PTPN14: variants seen among roughly 807,000 people sequenced by gnomAD.
PTPN14 encodes protein tyrosine phosphatase non-receptor type 14.
PTPN14 carries 53 observed loss-of-function variants against 126.8 expected under a neutral mutation model. The observed-to-expected ratio is 0.42, with a 90% CI of 0.34 to 0.53. The LOEUF is 0.53. Among genes scored for constraint, PTPN14 ranks in the 20% least tolerant of loss-of-function variants. The pLI is 0.08. For synonymous variants in PTPN14, 630 were observed against 599.3 expected, an observed-to-expected ratio of 1.05 and a Z score of -0.75; for missense variants, 1,257 against 1,552.9, an observed-to-expected ratio of 0.81 and a Z score of 3.20.
intron 1 of PTPN14, among the ~76,000 whole-genome samples, chr1:214,540,018 T>C (rs1558147847): frequency 6.6e-6 from 1 of 152,194 alleles, no homozygotes; most frequent in Non-Finnish European, 1.5e-5. Context: ...GGAGTTTTAA[T>C]TTGTTTCACA....
chr1:214,548,105 T>C (rs1436854227), intron 1 of PTPN14, among the ~76,000 whole-genome samples: 1 of 152,270 alleles, frequency 6.6e-6, no homozygotes, highest in East Asian at 1.9e-4. Flanking sequence ...TCCATACATA[T>C]CCTGAGAGGC....
chr1:214,407,728 T>A (rs1659203525), intron 5 of PTPN14, among the ~76,000 whole-genome samples: 1 of 152,156 alleles, frequency 6.6e-6, no homozygotes, highest in Non-Finnish European at 1.5e-5. Context: ...TTTTGCCTAT[T>A]TTACTTCAAA....
rs754577979 is a variant in PTPN14 at position 214,369,473 on chromosome 1, ATCT to A, written c.3252_3254del (p.Glu1084del). 1.2e-6 allele frequency: 2 copies of A among 1,613,774 alleles called. No homozygotes were observed. The highest frequency in any genetic ancestry group is 2.7e-5 in the African/African-American group (2 of 74,918). On this transcript the variant is annotated inframe_deletion, in exon 17 of 19. Coordinates refer to ENST00000366956, the MANE Select transcript of PTPN14 (RefSeq NM_005401.5). The stretch of plus-strand genomic sequence containing the variant: ...AACACTTACATAAAAATCCTTGGAC[ATCT>A]TCTGGACAGCCGTGATCTGGCCAGT...
chr1:214,432,849 T>C (rs1280696094), intron 3 of PTPN14, among the ~76,000 whole-genome samples: 1 of 152,240 alleles, frequency 6.6e-6, no homozygotes, highest in African/African-American at 2.4e-5. Flanking sequence ...TGGCTGGTGA[T>C]GCTCTGATTC....
At chr1:214,490,825 A>G (rs1378598439) in intron 1 of PTPN14, among the ~76,000 whole-genome samples, 1 of 115,266 alleles carries the variant, frequency 8.7e-6, no homozygotes. Flanking sequence ...TGACAGAGCG[A>G]GACGGAAGGG....
chr1:214,509,005 G>T (rs1032325443), intron 1 of PTPN14, among the ~76,000 whole-genome samples: 4 of 152,198 alleles, frequency 2.6e-5, no homozygotes, highest in African/African-American at 9.7e-5. Flanking sequence ...AGGCTTTGTT[G>T]TTCCATTTAC....
At chr1:214,479,658 A>C (rs551182831) in intron 1 of PTPN14, among the ~76,000 whole-genome samples, 6 of 152,292 alleles carry the variant, frequency 3.9e-5, no homozygotes, top group East Asian at 1.9e-4. Flanking sequence ...TTATCCAAAA[A>C]AAACAAACAA....
chr1:214,349,822 A>G lies in PTPN14; in HGVS notation c.*8100T>C, dbSNP rs1312767802. On this transcript the variant is annotated 3_prime_UTR_variant, in exon 19 of 19. Coordinates refer to ENST00000366956, the MANE Select transcript of PTPN14 (RefSeq NM_005401.5). ...GTAAAATTGTACAATGTTCAAGTTG[A>G]AAAAAAAAATGGCTCTGAATTACAG... 1 of 150,272 alleles carries G rather than the reference A, an allele frequency of 6.7e-6. No individual in the cohort carries two copies. Among genetic ancestry groups the G allele is most frequent in the Non-Finnish European group, 1.5e-5 (1 of 67,398 alleles). 9.3% of individuals were successfully genotyped at this position (150,272 alleles called of 1,614,324 possible).
intron 1 of PTPN14, among the ~76,000 whole-genome samples, chr1:214,526,436 G>T (rs1396791268): frequency 6.6e-6 from 1 of 151,892 alleles, no homozygotes; most frequent in Non-Finnish European, 1.5e-5. Flanking sequence ...AATGCCATTT[G>T]AATATATTCA....
chr1:214,452,389 T>C (rs532601733), intron 2 of PTPN14, among the ~76,000 whole-genome samples: 2 of 152,356 alleles, frequency 1.3e-5, no homozygotes, highest in East Asian at 3.9e-4. Context: ...ATGTAACTTA[T>C]TACTCAATTC....
intron 8 of PTPN14, among the ~76,000 whole-genome samples, chr1:214,397,687 A>G (rs943055012): frequency 4.6e-5 from 7 of 152,182 alleles, no homozygotes; most frequent in Admixed American, 4.6e-4. Flanking sequence ...TTCTAACTCA[A>G]TAGAGTTCAA....
intron 9 of PTPN14, 139 bp downstream of exon 9, chr1:214,394,760 T>C (rs1294556478): frequency 1.3e-6 from 1 of 783,150 alleles, no homozygotes; most frequent in Non-Finnish European, 2.2e-6. Context: ...ATGACAGCAC[T>C]GACCAAGTAT....
At chr1:214,501,990 C>T (rs528422508) in intron 1 of PTPN14, among the ~76,000 whole-genome samples, 3 of 133,118 alleles carry the variant, frequency 2.3e-5, no homozygotes, top group South Asian at 5.1e-4. Flanking sequence ...ACTCAGGAGG[C>T]GGAGCTTGCA....
Position 214,525,075 on chromosome 1 carries a change from G to GT in PTPN14, c.-155+26107dup, listed in dbSNP as rs532482264. 2.9e-4 allele frequency among the ~76,000 whole-genome samples: 44 copies of GT among 152,314 alleles called. No homozygotes were observed. In the East Asian group the frequency reaches 8.3e-3, roughly 29 times the overall value. ...CAGGAGAGGCCAAGGAGGTATATATGTAACATATAGCAGTCCCACAAACAC... is the reference window on the plus strand; with the variant it reads ...CAGGAGAGGCCAAGGAGGTATATATGTTAACATATAGCAGTCCCACAAACAC... On this transcript the variant is annotated intron_variant, in intron 1 of 18. Transcript: ENST00000366956.
At chr1:214,370,713 T>C (rs1172708023) in intron 16 of PTPN14, among the ~76,000 whole-genome samples, 8 of 152,296 alleles carry the variant, frequency 5.3e-5, no homozygotes, top group Middle Eastern at 3.4e-3. Flanking sequence ...AAGGTCTATG[T>C]TTCAGCTTTG....
Position 214,349,797 on chromosome 1 carries a change from G to A in PTPN14, c.*8125C>T, listed in dbSNP as rs1657667685. 6.6e-6 allele frequency: 1 copy of A among 151,964 alleles called. No homozygotes were observed. The highest frequency in any genetic ancestry group is 2.1e-4 in the South Asian group (1 of 4,792). 9.4% of individuals were successfully genotyped at this position (151,964 alleles called of 1,614,324 possible). A position where few individuals can be genotyped will look rare whatever the true frequency, so the allele number is the denominator to read the frequency against. ...GCAAGAAAGTTCAAAGGAAATTGCAGTAAAATTGTACAATGTTCAAGTTGA... is the reference window on the plus strand; with the variant it reads ...GCAAGAAAGTTCAAAGGAAATTGCAATAAAATTGTACAATGTTCAAGTTGA... On this transcript the variant is annotated 3_prime_UTR_variant, in exon 19 of 19. Transcript: ENST00000366956.
rs574094958 is a variant in PTPN14 at position 214,399,034 on chromosome 1, T to C, written c.670-1033A>G. Among the ~76,000 whole-genome samples the C allele has an allele frequency of 3.9e-5, 6 of 152,344 alleles. No homozygotes were observed. In the East Asian group the frequency reaches 9.6e-4, roughly 24 times the overall value. On this transcript the variant is annotated intron_variant, in intron 7 of 18. Coordinates refer to ENST00000366956, the MANE Select transcript of PTPN14 (RefSeq NM_005401.5). ...CACCCGCCTCGGACTCCCAAAGTGC[T>C]GGGATTACAGGCGTGAGCCACCGTG...
At chr1:214,527,040 A>G (rs1655417006) in intron 1 of PTPN14, among the ~76,000 whole-genome samples, 1 of 152,064 alleles carries the variant, frequency 6.6e-6, no homozygotes, top group South Asian at 2.1e-4. Flanking sequence ...GCGATGAGCC[A>G]AGATCACGTC....
At chr1:214,421,210 T>C (rs1659536918) in intron 3 of PTPN14, among the ~76,000 whole-genome samples, 1 of 152,234 alleles carries the variant, frequency 6.6e-6, no homozygotes, top group Non-Finnish European at 1.5e-5. Context: ...TGGAATATTA[T>C]TCAGCCATAA....
Sources: gnomAD v4.1 joint callset for allele counts (sites outside exome capture counted in the v4.1 genomes callset) on GRCh38, gnomAD v4.1.1 for gene constraint, MANE v1.5 for transcripts, NCBI Gene and HGNC (gene_info 2026-07-23, HGNC 2026-07-21) for gene names.